XK: variants seen among roughly 807,000 people sequenced by gnomAD.
XK encodes X-linked Kx blood group antigen, Kell and VPS13A binding protein.
Under a neutral mutation model 14.0 loss-of-function variants are expected in XK, and 2 were observed. The ratio of observed to expected loss-of-function variants is 0.14; its 90% confidence interval spans 0.06 to 0.45. XK has a LOEUF of 0.45. XK is among the 20% of genes least tolerant of loss of function. The probability of loss-of-function intolerance (pLI) is 0.98; values close to 1 mark genes in which losing one functional copy is unlikely to be tolerated. For synonymous variants in XK, 149 were observed against 147.5 expected (o/e 1.01, Z -0.08); for missense variants, 235 against 341.5 (o/e 0.69, Z 2.46).
chrX:37,723,216 C>T (rs1167973451), intron 2 of XK, among the ~76,000 whole-genome samples: 1 of 111,641 alleles, frequency 9.0e-6, no homozygotes, highest in Non-Finnish European at 1.9e-5. Context: ...AATTTATCCC[C>T]TTTTGTGTTG....
At chrX:37,690,618 T>C (rs1436444480) in intron 1 of XK, among the ~76,000 whole-genome samples, 2 of 112,073 alleles carry the variant, frequency 1.8e-5, no homozygotes, top group African/African-American at 3.2e-5. Context: ...AATACCCCCA[T>C]CACCTGTTTT....
At chrX:37,691,712 T>C (rs782484182) in intron 1 of XK, among the ~76,000 whole-genome samples, 4 of 112,649 alleles carry the variant, frequency 3.6e-5, no homozygotes, top group Admixed American at 9.4e-5. Flanking sequence ...ATATATGTGA[T>C]TTTCTTTTTA....
At position 37,694,416 on chromosome X, in the gene XK, G is replaced by A. The variant is rs1927266333; in HGVS notation, c.376G>A (p.Glu126Lys). The A allele has an allele frequency of 8.3e-7, 1 of 1,203,355 alleles. No individual in the cohort carries two copies. The highest frequency in any genetic ancestry group is 1.1e-6 in the Non-Finnish European group (1 of 890,318). Residue 126 changes from glutamate to lysine, a missense_variant, in exon 2 of 3, where the codon GAA becomes AAA. Physicochemically the swap from Glu to Lys is moderately conservative, Grantham distance 56. Coordinates refer to ENST00000378616, the MANE Select transcript of XK (RefSeq NM_021083.4). The part of the protein sequence containing the change: ...EEIEKEVGQA[E>K]GKLITHRSAF... Reference sequence around the variant, plus strand: ...GATTGAGAAGGAGGTGGGCCAGGCAGAAGGCAAACTAATCACCCACCGATC... The same window carrying A: ...GATTGAGAAGGAGGTGGGCCAGGCAAAAGGCAAACTAATCACCCACCGATC...
intron 2 of XK, among the ~76,000 whole-genome samples, chrX:37,700,361 C>A (rs1419707705): frequency 9.0e-6 from 1 of 111,668 alleles, no homozygotes; most frequent in African/African-American, 3.3e-5. Context: ...TTTCATCCAG[C>A]CTCAAAAATT....
intron 2 of XK, among the ~76,000 whole-genome samples, chrX:37,698,058 T>C (rs1471301012): frequency 8.9e-6 from 1 of 112,162 alleles, no homozygotes; most frequent in African/African-American, 3.2e-5. Flanking sequence ...TCTCCAGATC[T>C]TGGAGGATGG....
At chrX:37,713,829 T>A (rs1395742081) in intron 2 of XK, among the ~76,000 whole-genome samples, 1 of 111,989 alleles carries the variant, frequency 8.9e-6, no homozygotes, top group Admixed American at 9.4e-5. Flanking sequence ...ATAATTTTTG[T>A]ATTTGTCTGT....
chrX:37,716,777 G>T (rs1246522294), intron 2 of XK, among the ~76,000 whole-genome samples: 3 of 111,800 alleles, frequency 2.7e-5, no homozygotes, highest in Non-Finnish European at 3.8e-5. Flanking sequence ...TCCTTGATCT[G>T]GCTATCTAAA....
intron 2 of XK, among the ~76,000 whole-genome samples, chrX:37,696,409 A>T (rs28940597): frequency 0.011 from 1,298 of 113,019 alleles, 15 homozygotes; most frequent in African/African-American, 0.04. Flanking sequence ...TCCCAAAAGA[A>T]CTTGGAAAAA....
chrX:37,728,180 G>A lies in XK; in HGVS notation c.1053G>A (p.Leu351=), dbSNP rs782182097. 1 of 1,211,317 alleles carries A rather than the reference G, an allele frequency of 8.3e-7. No homozygotes were observed. The highest frequency in any genetic ancestry group is 3.0e-5 in the East Asian group (1 of 33,814). The change falls in exon 3 of 3, where the codon TTG becomes TTA. Residue 351 remains leucine (L), a synonymous_variant. Coordinates refer to ENST00000378616, the MANE Select transcript of XK (RefSeq NM_021083.4). ...ATATGTATGTGTGCGCACCTCTGTT[G>A]GTCCTGCAGCTGCTCATTGGGTACT... ...DIYMYVCAPL[L]VLQLLIGYCT... is the part of the protein sequence containing the mutation.
chrX:37,694,605 T>C lies in XK; in HGVS notation c.508+57T>C. 4 of 1,163,580 alleles carry C rather than the reference T, an allele frequency of 3.4e-6. No individual in the cohort carries two copies. The South Asian group carries it at 7.6e-5, about 22-fold the overall frequency. ...GGGGATCAAAATGAGAAGCAAAATATGCAGTTTATTTTGTTTCAAAGGAAA... is the reference window on the plus strand; with the variant it reads ...GGGGATCAAAATGAGAAGCAAAATACGCAGTTTATTTTGTTTCAAAGGAAA... On this transcript the variant is annotated intron_variant, in intron 2 of 2. Coordinates refer to ENST00000378616, the MANE Select transcript of XK (RefSeq NM_021083.4).
intron 2 of XK, among the ~76,000 whole-genome samples, chrX:37,723,023 T>C (rs781957483): frequency 4.5e-5 from 5 of 111,684 alleles, no homozygotes; most frequent in African/African-American, 6.5e-5. Context: ...TTTAGAAGTA[T>C]GCCAAGGGTT....
chrX:37,691,475 T>C (rs1377659558), intron 1 of XK, among the ~76,000 whole-genome samples: 2 of 112,372 alleles, frequency 1.8e-5, no homozygotes, highest in East Asian at 5.5e-4. Flanking sequence ...TTTATAATGG[T>C]ATGCTAGTAA....
intron 2 of XK, among the ~76,000 whole-genome samples, chrX:37,695,571 G>A (rs1263162317): frequency 1.8e-5 from 2 of 111,333 alleles, no homozygotes; most frequent in Non-Finnish European, 3.8e-5. Flanking sequence ...TTTTATTATC[G>A]GTATACAAAA....
In XK at chrX:37,686,109, C is replaced by G. The variant is rs1569472168; in HGVS notation, c.148C>G (p.Leu50Val). 6.6e-6 allele frequency: 8 copies of G among 1,211,486 alleles called. No homozygotes were observed. Among genetic ancestry groups the G allele is most frequent in the Non-Finnish European group, 8.9e-6 (8 of 895,377 alleles). ...GCTTTTCTCGCTACTGCCTTGCGCGCTCGTGCAGCTCACGCTTCTCTTCGT... is the reference window on the plus strand; with the variant it reads ...GCTTTTCTCGCTACTGCCTTGCGCGGTCGTGCAGCTCACGCTTCTCTTCGT... ...TLLFSLLPCA[L>V]VQLTLLFVHR... The change falls in exon 1 of 3, where the codon CTC becomes GTC. Residue 50 changes from leucine to valine, a missense_variant. Physicochemically the swap from Leu to Val is conservative, Grantham distance 32 (BLOSUM62 1). Transcript: ENST00000378616.
chrX:37,697,508 C>A (rs1927325492), intron 2 of XK, among the ~76,000 whole-genome samples: 1 of 111,939 alleles, frequency 8.9e-6, no homozygotes, highest in South Asian at 3.8e-4. Flanking sequence ...CAACATGACC[C>A]TATTCAGCAT....
Position 37,716,371 on chromosome X carries a change from A to G in XK, c.509-11265A>G, listed in dbSNP as rs782667924. On this transcript the variant is annotated intron_variant, in intron 2 of 2. Transcript: ENST00000378616. ...CCATAAAATAAGAAGAACAAAAAAT[A>G]AAGTATTTGAAAAGAGGGAAGGGAA... Among the ~76,000 whole-genome samples the G allele has an allele frequency of 1.1e-4, 12 of 112,544 alleles. No homozygotes were observed. The South Asian group carries it at 4.4e-3, about 41-fold the overall frequency.
rs1315942804 is a variant in XK at position 37,731,085 on chromosome X, T to G, written c.*2623T>G. On this transcript the variant is annotated 3_prime_UTR_variant, in exon 3 of 3. Transcript: ENST00000378616. ...AATTTTTGTTTTTAAATTATTTATA[T>G]TACTGAATTGGCAAAATTACAGTTC... 8.9e-6 allele frequency: 1 copy of G among 112,394 alleles called. No individual in the cohort carries two copies. Among genetic ancestry groups the G allele is most frequent in the Non-Finnish European group, 1.9e-5 (1 of 53,282 alleles). The allele number at this position is 112,394 out of a possible 1,213,427, so 9.3% of individuals were successfully genotyped here.
At chrX:37,703,275 A>T (rs1323421842) in intron 2 of XK, among the ~76,000 whole-genome samples, 1 of 112,400 alleles carries the variant, frequency 8.9e-6, no homozygotes, top group Non-Finnish European at 1.9e-5. Context: ...ATGTTGCTGA[A>T]CTACTTCTGT....
chrX:37,707,301 C>A (rs1245783396), intron 2 of XK, among the ~76,000 whole-genome samples: 1 of 107,415 alleles, frequency 9.3e-6, no homozygotes, highest in African/African-American at 3.4e-5. Context: ...GCTGGCCTGG[C>A]GGGGGCTGAC....
Sources: allele counts gnomAD v4.1 joint callset (sites outside exome capture counted in the v4.1 genomes callset), GRCh38; gene constraint gnomAD v4.1.1; transcripts MANE v1.5; gene names NCBI Gene and HGNC (gene_info 2026-07-23, HGNC 2026-07-21).